The following B4GALT4 variants were observed in gnomAD, a reference collection of about 807,000 sequenced individuals.
B4GALT4 encodes beta-1,4-galactosyltransferase 4.
B4GALT4 carries 27 observed loss-of-function variants against 37.3 expected under a neutral mutation model. That is an observed-to-expected ratio of 0.72 (90% CI 0.53 to 1.00). The LOEUF (loss-of-function observed/expected upper bound fraction) is 1.00. B4GALT4 is among the 50% of genes least tolerant of loss of function. The pLI is 0.00. For synonymous variants in B4GALT4, 148 were observed against 154.1 expected (o/e 0.96, Z 0.29); for missense variants, 372 against 413.1 (o/e 0.90, Z 0.86).
At position 119,229,911 on chromosome 3, in the gene B4GALT4, C is replaced by T. The variant is rs752834059; in HGVS notation, c.189G>A (p.Leu63=). The T allele has an allele frequency of 1.9e-6, 3 of 1,614,026 alleles. No homozygotes were observed. The highest frequency in any genetic ancestry group is 2.5e-6 in the Non-Finnish European group (3 of 1,180,036). ...CCTTCTTCGTGGATGCTTCATTAGTCAGAGTTTTTCCCTTCCCCAAAATGA... is the reference window on the plus strand; with the variant it reads ...CCTTCTTCGTGGATGCTTCATTAGTTAGAGTTTTTCCCTTCCCCAAAATGA... The part of the protein sequence containing the change: ...KTLILGKGKT[L]TNEASTKKVE... Residue 63 remains leucine, a synonymous_variant, in exon 3 of 8, where the codon CTG becomes CTA. Transcript: ENST00000393765.
chr3:119,230,270 T>C, intron 2 of B4GALT4, 26 bp from the exon 3 acceptor site: 1 of 830,782 alleles, frequency 1.2e-6, no homozygotes, highest in East Asian at 2.7e-5. Context: ...AAAAGACACG[T>C]TGTTTCAAAT....
At chr3:119,230,684 G>A (rs1227850763) in intron 2 of B4GALT4, among the ~76,000 whole-genome samples, 1 of 152,174 alleles carries the variant, frequency 6.6e-6, no homozygotes, top group African/African-American at 2.4e-5. Flanking sequence ...TAAGGGAAAA[G>A]GGAAAAGTTC....
At position 119,226,795 on chromosome 3, in the gene B4GALT4, G is replaced by A; in HGVS notation, c.486+14C>T. ...GAGGGTCGAGGGCAGGCCCTGGTCT[G>A]CCCCCACGCTCACCTGGTGGATGAC... On this transcript the variant is annotated intron_variant, in intron 4 of 7. Coordinates refer to ENST00000393765, the MANE Select transcript of B4GALT4 (RefSeq NM_003778.4). 6.2e-7 allele frequency: 1 copy of A among 1,608,182 alleles called. No individual in the cohort carries two copies. Among genetic ancestry groups the A allele is most frequent in the Non-Finnish European group, 8.5e-7 (1 of 1,176,726 alleles).
intron 1 of B4GALT4, among the ~76,000 whole-genome samples, chr3:119,238,777 G>C (rs1206466941): frequency 6.6e-6 from 1 of 152,120 alleles, no homozygotes; most frequent in Non-Finnish European, 1.5e-5. Flanking sequence ...AGAATAAGGA[G>C]GACGACTGTA....
intron 4 of B4GALT4, among the ~76,000 whole-genome samples, chr3:119,224,895 C>T (rs1481248005): frequency 6.6e-6 from 1 of 152,152 alleles, no homozygotes; most frequent in African/African-American, 2.4e-5. Context: ...TATAAAACTA[C>T]AAAACCTTTC....
At chr3:119,236,388 A>G (rs1051263859) in intron 2 of B4GALT4, 4 of 152,172 alleles carry the variant, frequency 2.6e-5, no homozygotes, top group Non-Finnish European at 5.9e-5. Flanking sequence ...GTATTGATCA[A>G]TGTAGTATGG....
rs760902195 is a variant in B4GALT4, at chr3:119,224,125, A to G, written c.607T>C (p.Phe203Leu). ...HDVDLVPEND[F>L]NLYKCEEHPK... ...TGCTCCTCACACTTGTAAAGGTTAA[A>G]GTCATTCTCGGGTACCAGGTCCACA... The change falls in exon 5 of 8, where the codon TTT becomes CTT. Residue 203 changes from phenylalanine to leucine, a missense_variant. By Grantham distance (22) the Phe-to-Leu change is conservative. Coordinates refer to ENST00000393765, the MANE Select transcript of B4GALT4 (RefSeq NM_003778.4). 1.2e-6 allele frequency: 2 copies of G among 1,614,142 alleles called. No homozygotes were observed. Among genetic ancestry groups the G allele is most frequent in the Admixed American group, 3.3e-5 (2 of 60,018 alleles).
intron 1 of B4GALT4, among the ~76,000 whole-genome samples, chr3:119,239,183 G>A (rs868219498): frequency 9.2e-5 from 14 of 151,944 alleles, no homozygotes; most frequent in African/African-American, 2.7e-4. Flanking sequence ...AAAATTAGCC[G>A]GGAGTAGTGG....
intron 5 of B4GALT4, among the ~76,000 whole-genome samples, chr3:119,221,062 T>C (rs575445201): frequency 6.6e-6 from 1 of 152,360 alleles, no homozygotes; most frequent in South Asian, 2.1e-4. Flanking sequence ...ATCTTTGCTT[T>C]TGGCTTTTCT....
intron 4 of B4GALT4, chr3:119,226,480 C>A: frequency 3.0e-6 from 1 of 333,598 alleles, no homozygotes; most frequent in Non-Finnish European, 5.7e-6. Context: ...TCATATAGTG[C>A]ATGGCACGCA....
At chr3:119,217,792 G>A (rs1182559086) in intron 6 of B4GALT4, among the ~76,000 whole-genome samples, 3 of 145,114 alleles carry the variant, frequency 2.1e-5, no homozygotes, top group South Asian at 2.2e-4. Context: ...GCGGTGAGTC[G>A]AGATCACGTC....
chr3:119,214,547 C>T (rs1372398142), intron 7 of B4GALT4: 1 of 152,156 alleles, frequency 6.6e-6, no homozygotes, highest in East Asian at 1.9e-4. Context: ...TGAAGAAGAT[C>T]CCATTGGCCA....
chr3:119,212,312 G>A lies in B4GALT4; in HGVS notation c.*237C>T. The A allele has an allele frequency of 7.3e-6, 5 of 681,434 alleles. No individual in the cohort carries two copies. In the South Asian group the frequency reaches 7.9e-5, roughly 11 times the overall value. 42.2% of individuals were successfully genotyped at this position (681,434 alleles called of 1,614,324 possible). A position where few individuals can be genotyped will look rare whatever the true frequency, so the allele number is the denominator to read the frequency against. On this transcript the variant is annotated 3_prime_UTR_variant, in exon 8 of 8. Coordinates refer to ENST00000393765, the MANE Select transcript of B4GALT4 (RefSeq NM_003778.4). ...CATCCTTTTATATAAAGTCCTTCAA[G>A]TATCCATATTACAATATTTAACCCT...
At chr3:119,221,706 A>T (rs2078455037) in intron 5 of B4GALT4, among the ~76,000 whole-genome samples, 1 of 152,250 alleles carries the variant, frequency 6.6e-6, no homozygotes, top group Non-Finnish European at 1.5e-5. Context: ...GATGGGAAAT[A>T]CATTAGAACC....
chr3:119,222,575 C>T (rs1297506497), intron 5 of B4GALT4, among the ~76,000 whole-genome samples: 1 of 152,166 alleles, frequency 6.6e-6, no homozygotes, highest in Non-Finnish European at 1.5e-5. Context: ...CAACCCCTGC[C>T]ACAGCAACTT....
In B4GALT4 at chr3:119,228,207, C is replaced by T. The variant is rs1050128182; in HGVS notation, c.254-1166G>A. Among the ~76,000 whole-genome samples, 6 of 152,188 alleles carry T rather than the reference C, an allele frequency of 3.9e-5. No homozygotes were observed. The East Asian group carries it at 5.8e-4, about 15-fold the overall frequency. ...ACCTGACTGTGTCTCTGTTCTTGCG[C>T]GCTCAAAGAGCCTCACGCAACAGGT... On this transcript the variant is annotated intron_variant, in intron 3 of 7. Transcript: ENST00000393765.
At chr3:119,225,397 T>C (rs140584015) in intron 4 of B4GALT4, among the ~76,000 whole-genome samples, 1 of 152,196 alleles carries the variant, frequency 6.6e-6, no homozygotes, top group East Asian at 1.9e-4. Context: ...TCTTTCTCTT[T>C]TTCTTTTTTT....
intron 7 of B4GALT4, chr3:119,213,539 C>T (rs974743184): frequency 2.0e-5 from 3 of 152,140 alleles, no homozygotes; most frequent in African/African-American, 7.2e-5. Flanking sequence ...GGGATACAAA[C>T]ATATGGGAAA....
chr3:119,217,071 T>C (rs1055350353), intron 6 of B4GALT4, among the ~76,000 whole-genome samples: 11 of 152,342 alleles, frequency 7.2e-5, no homozygotes, highest in African/African-American at 2.6e-4. Context: ...ACCACATTAG[T>C]CAAAAACCAT....
Sources: gnomAD v4.1 joint callset for allele counts (sites outside exome capture counted in the v4.1 genomes callset) on GRCh38, gnomAD v4.1.1 for gene constraint, MANE v1.5 for transcripts, NCBI Gene and HGNC (gene_info 2026-07-23, HGNC 2026-07-21) for gene names.